The following PARVA variants were observed in gnomAD, a reference collection of about 807,000 sequenced individuals.
PARVA encodes the protein alpha-parvin.
In PARVA, 25 loss-of-function variants were observed where a neutral mutation model predicts 52.6. The ratio of observed to expected loss-of-function variants is 0.48; its 90% CI spans 0.35 to 0.66. The LOEUF is 0.66. Ranked by LOEUF, PARVA falls within the 30% of genes least tolerant of loss-of-function variation. PARVA has a pLI of 0.01. For missense variants in PARVA, 373 were observed against 450.9 expected (o/e 0.83, Z 1.56); for synonymous variants, 185 against 179.1 (o/e 1.03, Z -0.26).
At chr11:12,406,324 G>C (rs552515178) in intron 1 of PARVA, among the ~76,000 whole-genome samples, 10 of 152,192 alleles carry the variant, frequency 6.6e-5, no homozygotes, top group Non-Finnish European at 1.5e-4. Flanking sequence ...GTCCAGCCAC[G>C]TTATGGAGGA....
intron 1 of PARVA, among the ~76,000 whole-genome samples, chr11:12,406,342 A>G (rs1005125535): frequency 6.6e-6 from 1 of 152,220 alleles, no homozygotes; most frequent in African/African-American, 2.4e-5. Context: ...GGATAACCTC[A>G]TTTACTTAAA....
At chr11:12,526,099 T>A (rs1338778461) in intron 12 of PARVA, among the ~76,000 whole-genome samples, 1 of 152,174 alleles carries the variant, frequency 6.6e-6, no homozygotes, top group Non-Finnish European at 1.5e-5. Context: ...ATAAAGGAAC[T>A]AATACATGTT....
intron 5 of PARVA, among the ~76,000 whole-genome samples, chr11:12,499,931 A>C (rs1010687931): frequency 6.6e-6 from 1 of 152,210 alleles, no homozygotes; most frequent in African/African-American, 2.4e-5. Context: ...ATACTATATA[A>C]TGTGACATTG....
intron 1 of PARVA, among the ~76,000 whole-genome samples, chr11:12,469,492 G>A (rs1053200762): frequency 6.6e-6 from 1 of 152,190 alleles, no homozygotes; most frequent in African/African-American, 2.4e-5. Flanking sequence ...TTCAGTTGTA[G>A]CTCTTTCTCT....
At chr11:12,482,037 T>TA (rs1381717216) in intron 4 of PARVA, among the ~76,000 whole-genome samples, 4 of 150,666 alleles carry the variant, frequency 2.7e-5, no homozygotes, top group Admixed American at 6.6e-5. Context: ...GGCATGGTGG[T>TA]GCATGCTACT....
intron 1 of PARVA, among the ~76,000 whole-genome samples, chr11:12,438,652 G>A (rs1014203101): frequency 1.3e-5 from 2 of 152,018 alleles, no homozygotes; most frequent in African/African-American, 4.8e-5. Context: ...TATCCACTAA[G>A]GGCCTACTTT....
chr11:12,429,008 C>G (rs1940277077), intron 1 of PARVA, among the ~76,000 whole-genome samples: 2 of 151,938 alleles, frequency 1.3e-5, no homozygotes. Flanking sequence ...GACACAGTCT[C>G]TCTCTGTTGC....
chr11:12,513,048 G>C, intron 8 of PARVA: 1 of 659,164 alleles, frequency 1.5e-6, no homozygotes, highest in South Asian at 1.5e-5. Flanking sequence ...CTACCTAAAA[G>C]AGCCCTGAGC....
At chr11:12,480,380 C>T (rs747993662) in intron 4 of PARVA, 5 of 152,096 alleles carry the variant, frequency 3.3e-5, no homozygotes, top group Non-Finnish European at 7.4e-5. Context: ...GAAAAAGCTT[C>T]GGCACATGAA....
intron 12 of PARVA, among the ~76,000 whole-genome samples, chr11:12,523,438 GC>G (rs1439706670): frequency 1.3e-5 from 2 of 152,190 alleles, no homozygotes; most frequent in African/African-American, 2.4e-5. Flanking sequence ...CTTCAGCAGT[GC>G]CTTGGGATGA....
intron 1 of PARVA, among the ~76,000 whole-genome samples, chr11:12,404,401 G>C (rs574763506): frequency 2.6e-4 from 39 of 152,262 alleles, no homozygotes; most frequent in African/African-American, 9.4e-4. Flanking sequence ...CCCAAAAAAG[G>C]GTCCAGTCCT....
At chr11:12,417,851 C>G (rs1940088634) in intron 1 of PARVA, among the ~76,000 whole-genome samples, 1 of 152,170 alleles carries the variant, frequency 6.6e-6, no homozygotes, top group African/African-American at 2.4e-5. Flanking sequence ...TCTTCTGGAG[C>G]CAACAGCCCC....
At chr11:12,480,686 A>G (rs975348323) in intron 4 of PARVA, 1 of 151,952 alleles carries the variant, frequency 6.6e-6, no homozygotes, top group Admixed American at 6.6e-5. Flanking sequence ...GTGATTCACT[A>G]TGGAGGTGAT....
chr11:12,532,912 CT>C lies in PARVA; in HGVS notation c.*4992del, dbSNP rs1244326439. ...CTTTGAAAAACAGGTTGCCATCTAC[CT>C]TTTTAAATGTCCCACTGTGTAGGAA... On this transcript the variant is annotated 3_prime_UTR_variant, in exon 13 of 13. Coordinates refer to ENST00000334956, the MANE Select transcript of PARVA (RefSeq NM_018222.5). Among the ~76,000 whole-genome samples, 2 of 152,192 alleles carry C rather than the reference CT, an allele frequency of 1.3e-5. No homozygotes were observed. Among genetic ancestry groups the C allele is most frequent in the African/African-American group, 4.8e-5 (2 of 41,460 alleles).
At chr11:12,509,731 A>G (rs1301922520) in intron 7 of PARVA, among the ~76,000 whole-genome samples, 2 of 152,184 alleles carry the variant, frequency 1.3e-5, no homozygotes, top group East Asian at 3.9e-4. Context: ...CCCATCAAGC[A>G]GCCTCTGTAT....
At chr11:12,461,790 A>G (rs12226436) in intron 1 of PARVA, among the ~76,000 whole-genome samples, 49,163 of 152,090 alleles carry the variant, frequency 0.32, 8,711 homozygotes, top group East Asian at 0.61. Flanking sequence ...TGGAAACTGT[A>G]GGACTTGGGA....
intron 4 of PARVA, among the ~76,000 whole-genome samples, chr11:12,481,157 A>G (rs955103196): frequency 1.3e-4 from 20 of 152,166 alleles, no homozygotes; most frequent in Non-Finnish European, 2.6e-4. Context: ...TAGTTTTTGC[A>G]TCCATTTAGA....
chr11:12,483,312 G>T (rs1941112614), intron 4 of PARVA, among the ~76,000 whole-genome samples: 1 of 152,214 alleles, frequency 6.6e-6, no homozygotes, highest in African/African-American at 2.4e-5. Context: ...CAAGGATGTG[G>T]GTGGAGGAAG....
intron 12 of PARVA, among the ~76,000 whole-genome samples, chr11:12,519,153 C>A (rs1941608353): frequency 1.3e-5 from 2 of 152,232 alleles, no homozygotes; most frequent in Admixed American, 1.3e-4. Flanking sequence ...TTCCATTTCA[C>A]CAGAGCTGGC....
Sources: allele counts gnomAD v4.1 joint callset (sites outside exome capture counted in the v4.1 genomes callset), GRCh38; gene constraint gnomAD v4.1.1; transcripts MANE v1.5; gene names NCBI Gene and HGNC (gene_info 2026-07-23, HGNC 2026-07-21).